PLCB3: variants seen among roughly 807,000 people sequenced by gnomAD.
The protein encoded by PLCB3 is phospholipase C beta 3.
In PLCB3, 54 loss-of-function variants were observed where a neutral mutation model predicts 152.1. That is an observed-to-expected ratio of 0.36 (90% confidence interval 0.29 to 0.45). The LOEUF is 0.45. Among genes scored for constraint, PLCB3 ranks in the 20% least tolerant of loss-of-function variants. PLCB3 has a pLI of 1.00. For missense variants in PLCB3, 1,248 were observed against 1,687.5 expected (o/e 0.74, Z 4.56); for synonymous variants, 717 against 698.7 (o/e 1.03, Z -0.41).
intron 8 of PLCB3, 21 bp from the exon 9 acceptor site, chr11:64,256,355 C>T (rs1387632989): frequency 1.2e-6 from 2 of 1,609,948 alleles, no homozygotes; most frequent in South Asian, 1.1e-5. Flanking sequence ...CCATCCTGAC[C>T]CAGCTTCCTG....
Position 64,258,713 on chromosome 11 carries a change from C to T in PLCB3, c.1253C>T (p.Ser418Leu), listed in dbSNP as rs371015701. The T allele has an allele frequency of 5.0e-6, 8 of 1,613,394 alleles. No homozygotes were observed. The highest frequency in any genetic ancestry group is 2.7e-5 in the African/African-American group (2 of 74,918). Reference sequence around the variant, plus strand: ...CTCTCCTTCGAGAACCATGTGGACTCGTGAGTGAGCCCCTGGCATGAAACC... The same window carrying T: ...CTCTCCTTCGAGAACCATGTGGACTTGTGAGTGAGCCCCTGGCATGAAACC... The part of the protein sequence containing the change: ...VILSFENHVD[S>L]AKQQAKMAEY... Residue 418 changes from serine (S) to leucine (L), a missense_variant and splice_region_variant, in exon 11 of 31, where the codon TCG becomes TTG. Physicochemically the swap from Ser to Leu is moderately radical, Grantham distance 145. Around this residue, in one of 6 missense-constraint regions of PLCB3, gnomAD observed 122 missense variants for 221.8 expected, o/e 0.55. Transcript: ENST00000279230. This position sits in a 1 kb window ranked among gnomAD's most constrained non-coding sequence, Gnocchi z 7.2.
rs1191156299 is a variant in PLCB3, at chr11:64,262,871, CAGGT to C, written c.2355+64_2355+67del. The C allele has an allele frequency of 1.7e-5, 26 of 1,531,140 alleles. No individual in the cohort carries two copies. The East Asian group carries it at 5.2e-4, about 31-fold the overall frequency. The allele number at this position is 1,531,140 out of a possible 1,614,324, so 94.8% of individuals were successfully genotyped here. A position where few individuals can be genotyped will look rare whatever the true frequency, so the allele number is the denominator to read the frequency against. On this transcript the variant is annotated intron_variant, in intron 19 of 30. Transcript: ENST00000279230. ...ATCCAGCCCAGACCGCCCCGACTCT[CAGGT>C]GGGAGAACAGGAACCAGGCACACCG...
At chr11:64,252,702 G>A (rs563323646) in intron 1 of PLCB3, among the ~76,000 whole-genome samples, 2 of 152,276 alleles carry the variant, frequency 1.3e-5, no homozygotes, top group East Asian at 1.9e-4. Flanking sequence ...GGCCCCAGGG[G>A]CCGGGGGAGA....
chr11:64,257,016 T>TTTTTTTTTTTTTTTTTCTTTTTC (rs771872374), intron 10 of PLCB3, among the ~76,000 whole-genome samples: 1 of 120,590 alleles, frequency 8.3e-6, no homozygotes, highest in Admixed American at 9.7e-5. Flanking sequence ...TTTTTTTTTT[T>TTTTTTTTTTTTTTTTTCTTTTTC]TTTTTGAGAC....
rs2031204131 is a variant in PLCB3 at position 64,251,627 on chromosome 11, C to T, written c.-23C>T. ...GGTCCCCGTCAGGGCTCCGTGGGTC[C>T]CCGACCCGCCCCTGGCCGGGCCATG... is the stretch of plus-strand genomic sequence containing the variant. On this transcript the variant is annotated 5_prime_UTR_variant, in exon 1 of 31. Coordinates refer to ENST00000279230, the MANE Select transcript of PLCB3 (RefSeq NM_000932.5). 9.4e-6 allele frequency: 13 copies of T among 1,379,046 alleles called. No individual in the cohort carries two copies. The highest frequency in any genetic ancestry group is 1.2e-5 in the Non-Finnish European group (13 of 1,045,378). 85.4% of individuals were successfully genotyped at this position (1,379,046 alleles called of 1,614,324 possible). A position where few individuals can be genotyped will look rare whatever the true frequency, so the allele number is the denominator to read the frequency against.
In PLCB3 at chr11:64,267,244, G is replaced by A. The variant is rs1183698208; in HGVS notation, c.3474G>A (p.Leu1158=). 6.4e-7 allele frequency: 1 copy of A among 1,550,698 alleles called. No individual in the cohort carries two copies. Among genetic ancestry groups the A allele is most frequent in the Non-Finnish European group, 8.7e-7 (1 of 1,146,972 alleles). The change falls in exon 30 of 31, where the codon CTG becomes CTA. Residue 1158 remains leucine, a synonymous_variant. Coordinates refer to ENST00000279230, the MANE Select transcript of PLCB3 (RefSeq NM_000932.5). The surrounding 1 kb of genome is among the most constrained non-coding windows in gnomAD (Gnocchi z 5.2). ...DRLVAGQQQV[L]QQLAEEEPKL... is the part of the protein sequence containing the mutation. ...TTGTGGCTGGGCAGCAGCAGGTCCT[G>A]CAACAGCTGGCAGAAGAGGAGCCCA...
chr11:64,259,153 A>T lies in PLCB3; in HGVS notation c.1434A>T (p.Pro478=). 1 of 1,609,158 alleles carries T rather than the reference A, an allele frequency of 6.2e-7. No individual in the cohort carries two copies. The highest frequency in any genetic ancestry group is 2.2e-5 in the East Asian group (1 of 44,688). The change falls in exon 13 of 31, where the codon CCA becomes CCT. Residue 478 remains proline, a synonymous_variant. Transcript: ENST00000279230. ...GGCACCGACCCAGCGCAGGTGGCCC[A>T]GACAGCGCCGGGCGCAAGCGGCCCC... is the stretch of plus-strand genomic sequence containing the variant. ...KKRHRPSAGG[P]DSAGRKRPLE... is the part of the protein sequence containing the mutation.
At position 64,255,281 on chromosome 11, in the gene PLCB3, G is replaced by A. The variant is rs762543901; in HGVS notation, c.435G>A (p.Gln145=). ...LFKLAMNILA[Q]NASRNTFLRK... ...AGCTGGCTATGAACATCCTGGCTCA[G>A]AACGCCTCCCGGAACACCTTCCTGC... The change falls in exon 5 of 31, where the codon CAG becomes CAA. Residue 145 remains glutamine, a synonymous_variant. Transcript: ENST00000279230. The surrounding 1 kb of genome is among the most constrained non-coding windows in gnomAD (Gnocchi z 6.8). The A allele has an allele frequency of 6.2e-7, 1 of 1,613,928 alleles. No homozygotes were observed. Among genetic ancestry groups the A allele is most frequent in the Admixed American group, 1.7e-5 (1 of 60,024 alleles).
intron 22 of PLCB3, among the ~76,000 whole-genome samples, chr11:64,264,397 G>A (rs2032008108): frequency 6.6e-6 from 1 of 152,202 alleles, no homozygotes; most frequent in Admixed American, 6.5e-5. Flanking sequence ...CAGACGTGGT[G>A]TCCTGGGAGT....
chr11:64,256,594 C>T (rs2135045296), intron 9 of PLCB3, 24 bp from the exon 10 acceptor site: 1 of 1,613,444 alleles, frequency 6.2e-7, no homozygotes. Context: ...CCCAGCTGAC[C>T]CTGCTGATCC....
chr11:64,267,340 C>G lies in PLCB3; in HGVS notation c.3502-13C>G, dbSNP rs1456031368. 2 of 1,548,842 alleles carry G rather than the reference C, an allele frequency of 1.3e-6. No individual in the cohort carries two copies. Among genetic ancestry groups the G allele is most frequent in the African/African-American group, 2.7e-5 (2 of 73,048 alleles). On this transcript the variant is annotated splice_polypyrimidine_tract_variant and intron_variant, in intron 30 of 30. Coordinates refer to ENST00000279230, the MANE Select transcript of PLCB3 (RefSeq NM_000932.5). This position sits in a 1 kb window ranked among gnomAD's most constrained non-coding sequence, Gnocchi z 5.2. ...GCCAGGCCTCGCCTGTGATGCCCATCCTTCTCCCACAGCTGCTGGCCCAGC... is the reference window on the plus strand; with the variant it reads ...GCCAGGCCTCGCCTGTGATGCCCATGCTTCTCCCACAGCTGCTGGCCCAGC...
rs755332984 is a variant in PLCB3, at chr11:64,265,123, C to T, written c.2806+19C>T. The T allele has an allele frequency of 2.7e-5, 40 of 1,500,656 alleles. No homozygotes were observed. In the South Asian group the frequency reaches 3.2e-4, roughly 12 times the overall value. The allele number at this position is 1,500,656 out of a possible 1,614,324, so 93.0% of individuals were successfully genotyped here. A position where few individuals can be genotyped will look rare whatever the true frequency, so the allele number is the denominator to read the frequency against. Reference sequence around the variant, plus strand: ...AGCCCAGGTAAGGAGTGGCCTGGGTCGGGGGTGGGCTGCAGGGAGGCACCC... The same window carrying T: ...AGCCCAGGTAAGGAGTGGCCTGGGTTGGGGGTGGGCTGCAGGGAGGCACCC... On this transcript the variant is annotated intron_variant, in intron 23 of 30. Transcript: ENST00000279230.
At chr11:64,263,293 G>A (rs913243968) in intron 19 of PLCB3, 1 of 557,140 alleles carries the variant, frequency 1.8e-6, no homozygotes, top group Admixed American at 3.4e-5. Flanking sequence ...CTTGCCTCAG[G>A]GTCCTGATGG....
chr11:64,259,306 C>T lies in PLCB3; in HGVS notation c.1525+62C>T, dbSNP rs77685501. ...CTAGCCTCTGGCCTCATGCTCCAGG[C>T]GCCGTGACACTTCATCCCAGACCCC... On this transcript the variant is annotated intron_variant, in intron 13 of 30. Transcript: ENST00000279230. The T allele has an allele frequency of 1.9e-4, 251 of 1,295,670 alleles. No individual in the cohort carries two copies. The African/African-American group carries it at 3.2e-3, about 17-fold the overall frequency. The allele number at this position is 1,295,670 out of a possible 1,614,324, so 80.3% of individuals were successfully genotyped here.
Position 64,260,103 on chromosome 11 carries a change from C to G in PLCB3, c.1600C>G (p.Pro534Ala). 6.2e-7 allele frequency: 1 copy of G among 1,612,300 alleles called. No homozygotes were observed. The highest frequency in any genetic ancestry group is 8.5e-7 in the Non-Finnish European group (1 of 1,179,434). ...AGGGCTTGAGAAGCCCAGCCTGGAGCCTCAGAAGTCTCTGGGTGACGAGGG... is the reference window on the plus strand; with the variant it reads ...AGGGCTTGAGAAGCCCAGCCTGGAGGCTCAGAAGTCTCTGGGTGACGAGGG... ...EVGLEKPSLEPQKSLGDEGLN... is the reference protein window; with the variant it reads ...EVGLEKPSLEAQKSLGDEGLN... The change falls in exon 14 of 31, where the codon CCT (proline) becomes GCT (alanine). Residue 534 changes from proline (P) to alanine (A), a missense_variant. Pro to Ala is a conservative substitution (Grantham distance 27, BLOSUM62 -1). Coordinates refer to ENST00000279230, the MANE Select transcript of PLCB3 (RefSeq NM_000932.5).
chr11:64,260,260 G>T, intron 14 of PLCB3, 26 bp downstream of exon 14: 2 of 1,517,070 alleles, frequency 1.3e-6, no homozygotes, highest in Non-Finnish European at 1.8e-6. Context: ...TGGGCAGGTC[G>T]GGGAGGTAGC....
rs1049565385 is a variant in PLCB3 at position 64,256,473 on chromosome 11, C to T, written c.796C>T (p.Pro266Ser). ...GAGACTCAACGAAGTGCTGTACCCG[C>T]CCCTGCGGCCCTCCCAGGCCCGGCT... ...DPRLNEVLYP[P>S]LRPSQARLLI... The change falls in exon 9 of 31, where the codon CCC becomes TCC. Residue 266 changes from proline to serine, a missense_variant. Pro to Ser is a moderately conservative substitution (Grantham distance 74). Transcript: ENST00000279230. 5.6e-6 allele frequency: 9 copies of T among 1,613,798 alleles called. No individual in the cohort carries two copies. The highest frequency in any genetic ancestry group is 6.8e-6 in the Non-Finnish European group (8 of 1,180,026).
rs1451033731 is a variant in PLCB3 at position 64,258,768 on chromosome 11, C to T, written c.1253+55C>T. 5.0e-6 allele frequency: 8 copies of T among 1,608,704 alleles called. No homozygotes were observed. In the Admixed American group the frequency reaches 1.3e-4, roughly 27 times the overall value. Reference sequence around the variant, plus strand: ...GGACCGGGGGACAGTCTTCCAGCTTCAGTGCTGTTGGACTGCTCAGGGACC... The same window carrying T: ...GGACCGGGGGACAGTCTTCCAGCTTTAGTGCTGTTGGACTGCTCAGGGACC... On this transcript the variant is annotated intron_variant, in intron 11 of 30. Coordinates refer to ENST00000279230, the MANE Select transcript of PLCB3 (RefSeq NM_000932.5). This position sits in a 1 kb window ranked among gnomAD's most constrained non-coding sequence, Gnocchi z 7.2.
Position 64,267,621 on chromosome 11 carries a change from A to G in PLCB3, c.*65A>G. 7 of 1,087,302 alleles carry G rather than the reference A, an allele frequency of 6.4e-6. No individual in the cohort carries two copies. Among genetic ancestry groups the G allele is most frequent in the Non-Finnish European group, 9.0e-6 (7 of 776,612 alleles). 67.4% of individuals were successfully genotyped at this position (1,087,302 alleles called of 1,614,324 possible). A position where few individuals can be genotyped will look rare whatever the true frequency, so the allele number is the denominator to read the frequency against. On this transcript the variant is annotated 3_prime_UTR_variant, in exon 31 of 31. Transcript: ENST00000279230. The surrounding 1 kb of genome is among the most constrained non-coding windows in gnomAD (Gnocchi z 5.2). ...TGGGTGGAGGGCAGGAGGCAATGAC[A>G]CTAATGCTTTTTTTTTTTTTTTTTA...
Sources: allele counts gnomAD v4.1 joint callset (sites outside exome capture counted in the v4.1 genomes callset), GRCh38; gene constraint gnomAD v4.1.1; regional missense constraint gnomAD v4.1.1; non-coding constraint Gnocchi (gnomAD v3.1); transcripts MANE v1.5; gene names NCBI Gene and HGNC (gene_info 2026-07-23, HGNC 2026-07-21).